CACNA1C: variants seen among roughly 807,000 people sequenced by gnomAD.
CACNA1C encodes voltage-dependent L-type calcium channel subunit alpha-1C.
In CACNA1C, 30 loss-of-function variants were observed where a neutral mutation model predicts 229.0. The ratio of observed to expected loss-of-function variants is 0.13; its 90% confidence interval spans 0.10 to 0.18. The LOEUF is 0.18. Ranked by LOEUF, CACNA1C falls within the 10% of genes least tolerant of loss-of-function variation. The probability of loss-of-function intolerance (pLI) is 1.00; values close to 1 mark genes in which losing one functional copy is unlikely to be tolerated. For synonymous variants in CACNA1C, 1,114 were observed against 1,132.5 expected (o/e 0.98, Z 0.33); for missense variants, 1,658 against 2,845.0 (o/e 0.58, Z 9.49).
chr12:2,166,646 A>G (rs535418850), intron 3 of CACNA1C, among the ~76,000 whole-genome samples: 10 of 152,346 alleles, frequency 6.6e-5, no homozygotes, highest in African/African-American at 1.7e-4. Flanking sequence ...TGTATCCCTC[A>G]TAGCGTTGTT....
chr12:2,414,128 A>ATC (rs34663217), intron 3 of CACNA1C, among the ~76,000 whole-genome samples: 56,573 of 151,728 alleles, frequency 0.37, 10,684 homozygotes, highest in Admixed American at 0.49. Context: ...AAGTGGCGTA[A>ATC]TCTCTGAGTT....
At position 2,183,815 on chromosome 12, in the gene CACNA1C, T is replaced by C. The variant is rs1056773220; in HGVS notation, c.477+63385T>C. ...GCAGGTAGGGCAGTGGCTGAGGAAA[T>C]AGCGGTATCTCATCAGCTCTGTCTC... On this transcript the variant is annotated intron_variant, in intron 3 of 46. Transcript: ENST00000399655. 1.4e-4 allele frequency among the ~76,000 whole-genome samples: 21 copies of C among 152,326 alleles called. 1 individual carries two copies. In the South Asian group the frequency reaches 1.5e-3, roughly 11 times the overall value.
intron 3 of CACNA1C, among the ~76,000 whole-genome samples, chr12:2,316,361 C>T (rs144441190): frequency 6.0e-4 from 92 of 152,326 alleles, no homozygotes; most frequent in African/African-American, 2.1e-3. Flanking sequence ...TTAAATCAGT[C>T]AGTGTATGTA....
intron 29 of CACNA1C, among the ~76,000 whole-genome samples, chr12:2,629,008 A>T (rs1032079528): frequency 6.6e-6 from 1 of 152,170 alleles, no homozygotes; most frequent in Non-Finnish European, 1.5e-5. Flanking sequence ...GGATTTTTTT[A>T]AAATACTTCC....
chr12:2,576,899 A>G (rs951196301), intron 13 of CACNA1C, among the ~76,000 whole-genome samples: 1 of 152,158 alleles, frequency 6.6e-6, no homozygotes, highest in African/African-American at 2.4e-5. Context: ...TCTGAACCCT[A>G]TCAGCATTCT....
rs1481710584 is a variant in CACNA1C, at chr12:2,651,466, GT to G, written c.3946-173del. On this transcript the variant is annotated intron_variant, in intron 31 of 46. Coordinates refer to ENST00000399655, the MANE Select transcript of CACNA1C (RefSeq NM_000719.7). This position sits in a 1 kb window ranked among gnomAD's most constrained non-coding sequence, Gnocchi z 5.4. The stretch of plus-strand genomic sequence containing the variant: ...TCTGCAGAGACCATGGGGCTGGGCT[GT>G]CCACTCATTAAAGTGGGCGGCCGCC... 24 of 821,320 alleles carry G rather than the reference GT, an allele frequency of 2.9e-5. No homozygotes were observed. The highest frequency in any genetic ancestry group is 4.4e-5 in the Non-Finnish European group (22 of 501,638). 50.9% of individuals were successfully genotyped at this position (821,320 alleles called of 1,614,324 possible).
intron 29 of CACNA1C, among the ~76,000 whole-genome samples, chr12:2,617,343 C>CCCGGTCTCA (rs1013069871): frequency 2.6e-5 from 4 of 152,312 alleles, no homozygotes; most frequent in African/African-American, 9.6e-5. Flanking sequence ...CCAGCCTTGC[C>CCCGGTCTCA]CCGGTCTCAC....
At chr12:2,436,130 A>G (rs1277931471) in intron 3 of CACNA1C, among the ~76,000 whole-genome samples, 1 of 152,212 alleles carries the variant, frequency 6.6e-6, no homozygotes, top group Non-Finnish European at 1.5e-5. Flanking sequence ...GAGGTGGGGA[A>G]GGAAGGATTT....
At position 2,066,595 on chromosome 12, in the gene CACNA1C, G is replaced by T. The variant is rs1044627729; in HGVS notation, c.49+12984G>T. 1.1e-4 allele frequency among the ~76,000 whole-genome samples: 16 copies of T among 152,324 alleles called. No homozygotes were observed. In the Middle Eastern group the frequency reaches 0.017, roughly 162 times the overall value. ...GAACTGTGCAATGATGAGGCGTGGT[G>T]GTTGTGAAGCAGGGGCAGCACATGG... On this transcript the variant is annotated intron_variant, in intron 1 of 46. Coordinates refer to ENST00000399655, the MANE Select transcript of CACNA1C (RefSeq NM_000719.7).
At chr12:2,002,389 C>T (rs1319036588) in intron 1 of CACNA1C, among the ~76,000 whole-genome samples, 1 of 152,232 alleles carries the variant, frequency 6.6e-6, no homozygotes, top group African/African-American at 2.4e-5. Context: ...CTGGCTACCA[C>T]AGCCTTGAAG....
chr12:2,176,932 A>G (rs767970648), intron 3 of CACNA1C, among the ~76,000 whole-genome samples: 3 of 152,186 alleles, frequency 2.0e-5, no homozygotes, highest in African/African-American at 7.2e-5. Context: ...GGAACTTCTC[A>G]TGATTCCAGA....
At chr12:2,611,761 G>A (rs377509036) in intron 28 of CACNA1C, 142 bp from the exon 29 acceptor site, 21 of 604,818 alleles carry the variant, frequency 3.5e-5, no homozygotes, top group African/African-American at 1.3e-4. Context: ...GACTGCCCAC[G>A]GAGAGGTGGG....
rs530390550 is a variant in CACNA1C at position 2,504,317 on chromosome 12, T to A, written c.1114-525T>A. ...GGTAACACGGGTAACCTGGTGCACA[T>A]GAACAAAGCCCACGTTCAGCCCCGT... On this transcript the variant is annotated intron_variant, in intron 7 of 46. Transcript: ENST00000399655. This position sits in a 1 kb window ranked among gnomAD's most constrained non-coding sequence, Gnocchi z 6.8. The A allele has an allele frequency of 1.5e-6, 1 of 665,108 alleles. No individual in the cohort carries two copies. The highest frequency in any genetic ancestry group is 2.6e-5 in the East Asian group (1 of 39,034). The allele number at this position is 665,108 out of a possible 1,614,324, so 41.2% of individuals were successfully genotyped here.
At chr12:2,380,145 C>G (rs2098200354) in intron 3 of CACNA1C, among the ~76,000 whole-genome samples, 1 of 152,144 alleles carries the variant, frequency 6.6e-6, no homozygotes, top group Non-Finnish European at 1.5e-5. Flanking sequence ...ACACTCTGCC[C>G]AAGTGGCTGG....
At chr12:2,499,145 C>T (rs537845691) in intron 7 of CACNA1C, among the ~76,000 whole-genome samples, 33 of 152,198 alleles carry the variant, frequency 2.2e-4, no homozygotes, top group African/African-American at 5.5e-4. Context: ...CTTGGTGCTC[C>T]GTGAGGTAGC....
In CACNA1C at chr12:2,199,402, C is replaced by G. The variant is rs558440606; in HGVS notation, c.477+78972C>G. Reference sequence around the variant, plus strand: ...GAGGGTGAAAACCTTTATGATGGTCCACTTCTACTTAATGAATAGTAAATA... The same window carrying G: ...GAGGGTGAAAACCTTTATGATGGTCGACTTCTACTTAATGAATAGTAAATA... On this transcript the variant is annotated intron_variant, in intron 3 of 46. Coordinates refer to ENST00000399655, the MANE Select transcript of CACNA1C (RefSeq NM_000719.7). Among the ~76,000 whole-genome samples the G allele has an allele frequency of 2.9e-3, 434 of 152,214 alleles. 1 individual carries two copies. The highest frequency in any genetic ancestry group is 1.0e-2 in the African/African-American group (415 of 41,514).
At chr12:2,518,670 A>G (rs2099803297) in intron 9 of CACNA1C, among the ~76,000 whole-genome samples, 1 of 152,146 alleles carries the variant, frequency 6.6e-6, no homozygotes, top group South Asian at 2.1e-4. Context: ...CCTACAACAC[A>G]ATCCCATGTC....
At chr12:2,057,947 G>T (rs148892448) in intron 1 of CACNA1C, among the ~76,000 whole-genome samples, 16 of 152,290 alleles carry the variant, frequency 1.1e-4, no homozygotes, top group African/African-American at 3.6e-4. Context: ...ATAGGGAAAA[G>T]AACACAAAAA....
chr12:2,623,009 T>C (rs2084187648), intron 29 of CACNA1C, among the ~76,000 whole-genome samples: 1 of 152,194 alleles, frequency 6.6e-6, no homozygotes. Context: ...TTCATCTCTA[T>C]GTAGTCTTTC....
Sources: gnomAD v4.1 joint callset for allele counts (sites outside exome capture counted in the v4.1 genomes callset) on GRCh38, gnomAD v4.1.1 for gene constraint, Gnocchi (gnomAD v3.1) non-coding constraint, MANE v1.5 for transcripts, NCBI Gene and HGNC (gene_info 2026-07-23, HGNC 2026-07-21) for gene names.